GRID1: variants seen among roughly 807,000 people sequenced by gnomAD.
GRID1 encodes the protein glutamate ionotropic receptor delta type subunit 1.
GRID1 carries 28 observed loss-of-function variants against 98.0 expected under a neutral mutation model. That is an observed-to-expected ratio of 0.29 (90% CI 0.21 to 0.39). The LOEUF (loss-of-function observed/expected upper bound fraction) is 0.39, where lower values mean the gene tolerates loss of function less well. GRID1 is among the 10% of genes least tolerant of loss of function. The probability of loss-of-function intolerance (pLI) is 1.00; values close to 1 mark genes in which losing one functional copy is unlikely to be tolerated. For missense variants in GRID1, 1,111 were observed against 1,340.5 expected (o/e 0.83, Z 2.67); for synonymous variants, 553 against 538.5 (o/e 1.03, Z -0.37).
chr10:85,822,786 C>A (rs996292608), intron 8 of GRID1, among the ~76,000 whole-genome samples: 5 of 152,132 alleles, frequency 3.3e-5, no homozygotes, highest in African/African-American at 9.7e-5. Context: ...TTGGAAACAA[C>A]CCAAATGTCC....
chr10:86,085,042 G>A (rs773017776), intron 4 of GRID1, among the ~76,000 whole-genome samples: 3 of 152,168 alleles, frequency 2.0e-5, no homozygotes, highest in Non-Finnish European at 2.9e-5. Flanking sequence ...TTACCAATAC[G>A]CATGCAATGT....
chr10:85,956,067 T>A (rs1205269071), intron 4 of GRID1, among the ~76,000 whole-genome samples: 1 of 152,364 alleles, frequency 6.6e-6, no homozygotes, highest in South Asian at 2.1e-4. Flanking sequence ...ATGTGGTTAC[T>A]CAGGGCATGC....
chr10:85,624,763 A>C (rs1170022028), intron 13 of GRID1, among the ~76,000 whole-genome samples: 1 of 152,204 alleles, frequency 6.6e-6, no homozygotes, highest in African/African-American at 2.4e-5. Flanking sequence ...AATACAGAAC[A>C]CAAATGTTTA....
intron 4 of GRID1, among the ~76,000 whole-genome samples, chr10:86,005,446 G>C (rs945397749): frequency 6.6e-6 from 1 of 152,190 alleles, no homozygotes. Flanking sequence ...TTGTTGGAGA[G>C]ACTACTGGTT....
At chr10:86,278,530 C>G (rs577713331) in intron 2 of GRID1, among the ~76,000 whole-genome samples, 1 of 152,118 alleles carries the variant, frequency 6.6e-6, no homozygotes, top group South Asian at 2.1e-4. Context: ...TAATAAACCT[C>G]TAGCCACACT....
chr10:85,693,707 A>G lies in GRID1; in HGVS notation c.1997+29296T>C, dbSNP rs191970526. On this transcript the variant is annotated intron_variant, in intron 12 of 15. Coordinates refer to ENST00000327946, the MANE Select transcript of GRID1 (RefSeq NM_017551.3). Reference sequence around the variant, plus strand: ...GGAAAGGGGACACTTTTCAATAAATAGTGTGGGGAAAATTGGATTGCCATA... The same window carrying G: ...GGAAAGGGGACACTTTTCAATAAATGGTGTGGGGAAAATTGGATTGCCATA... Among the ~76,000 whole-genome samples, 601 of 152,288 alleles carry G rather than the reference A, an allele frequency of 3.9e-3. 1 individual carries two copies. Among genetic ancestry groups the G allele is most frequent in the Non-Finnish European group, 7.1e-3 (483 of 68,012 alleles).
intron 8 of GRID1, among the ~76,000 whole-genome samples, chr10:85,845,730 C>G (rs1272320388): frequency 1.3e-5 from 2 of 152,074 alleles, no homozygotes; most frequent in Non-Finnish European, 2.9e-5. Flanking sequence ...GCAGTCGTCC[C>G]CTGATTTGTT....
chr10:85,841,887 T>G (rs7097758), intron 8 of GRID1, among the ~76,000 whole-genome samples: 1 of 152,056 alleles, frequency 6.6e-6, no homozygotes, highest in East Asian at 1.9e-4. Flanking sequence ...GGGGTGTAAA[T>G]TAGTTCAACC....
intron 1 of GRID1, 138 bp from the exon 2 acceptor site, chr10:86,364,234 G>A (rs1848644552): frequency 1.5e-6 from 1 of 673,958 alleles, no homozygotes; most frequent in Non-Finnish European, 2.6e-6. Flanking sequence ...GCTTGGCGGG[G>A]TAGATTAAGG....
At chr10:85,919,696 C>T (rs1253131633) in intron 4 of GRID1, among the ~76,000 whole-genome samples, 1 of 152,238 alleles carries the variant, frequency 6.6e-6, no homozygotes, top group Non-Finnish European at 1.5e-5. Flanking sequence ...TCCTCCCTTT[C>T]GTCTGCAGAG....
chr10:85,915,824 T>C (rs925442786), intron 5 of GRID1, among the ~76,000 whole-genome samples: 11 of 152,268 alleles, frequency 7.2e-5, no homozygotes, highest in African/African-American at 2.6e-4. Flanking sequence ...CTTCCTCTCC[T>C]ACTCATTCCT....
chr10:86,337,017 G>A lies in GRID1; in HGVS notation c.235+26924C>T, dbSNP rs1438858025. On this transcript the variant is annotated intron_variant, in intron 2 of 15. Coordinates refer to ENST00000327946, the MANE Select transcript of GRID1 (RefSeq NM_017551.3). Reference sequence around the variant, plus strand: ...CCGCCACCAGGATGGCTAGTTTTTTGCAGTTTTTTTTTTTTAGTAGAGGCG... The same window carrying A: ...CCGCCACCAGGATGGCTAGTTTTTTACAGTTTTTTTTTTTTAGTAGAGGCG... 3.7e-5 allele frequency among the ~76,000 whole-genome samples: 5 copies of A among 134,916 alleles called. No individual in the cohort carries two copies. In the East Asian group the frequency reaches 1.3e-3, roughly 35 times the overall value. 88.5% of individuals were successfully genotyped at this position (134,916 alleles called of 152,430 possible).
chr10:86,122,808 G>A (rs1473992916), intron 4 of GRID1, among the ~76,000 whole-genome samples: 2 of 152,204 alleles, frequency 1.3e-5, no homozygotes, highest in Non-Finnish European at 2.9e-5. Context: ...TGATGGGACT[G>A]ACCCTGAGGG....
rs915830857 is a variant in GRID1, at chr10:86,321,255, A to T, written c.235+42686T>A. 7.2e-5 allele frequency among the ~76,000 whole-genome samples: 11 copies of T among 152,160 alleles called. No homozygotes were observed. The East Asian group carries it at 1.9e-3, about 27-fold the overall frequency. On this transcript the variant is annotated intron_variant, in intron 2 of 15. Coordinates refer to ENST00000327946, the MANE Select transcript of GRID1 (RefSeq NM_017551.3). ...TGACCCAGGAAATAATTACCATGGCATGGTAATTATATGAAATGATGTGCC... is the reference window on the plus strand; with the variant it reads ...TGACCCAGGAAATAATTACCATGGCTTGGTAATTATATGAAATGATGTGCC...
At chr10:86,083,854 G>A (rs1844012196) in intron 4 of GRID1, among the ~76,000 whole-genome samples, 1 of 152,224 alleles carries the variant, frequency 6.6e-6, no homozygotes, top group African/African-American at 2.4e-5. Flanking sequence ...CAGCTCGTAA[G>A]TTGTACTTGC....
Position 85,724,963 on chromosome 10 carries a change from T to C in GRID1, c.1534-287A>G, listed in dbSNP as rs116968271. Reference sequence around the variant, plus strand: ...ATTTCTCTACGAATTATAGTTTATCTTCACTTTGTTGTTTTCCTACCAAAC... The same window carrying C: ...ATTTCTCTACGAATTATAGTTTATCCTCACTTTGTTGTTTTCCTACCAAAC... On this transcript the variant is annotated intron_variant, in intron 10 of 15. Coordinates refer to ENST00000327946, the MANE Select transcript of GRID1 (RefSeq NM_017551.3). Among the ~76,000 whole-genome samples, 20 of 152,366 alleles carry C rather than the reference T, an allele frequency of 1.3e-4. No individual in the cohort carries two copies. In the East Asian group the frequency reaches 3.7e-3, roughly 28 times the overall value.
intron 12 of GRID1, among the ~76,000 whole-genome samples, chr10:85,695,039 A>C (rs765163402): frequency 2.0e-5 from 3 of 152,138 alleles, no homozygotes; most frequent in Admixed American, 6.5e-5. Context: ...TTTCCAGTCA[A>C]TTTTTCTGTA....
intron 8 of GRID1, among the ~76,000 whole-genome samples, chr10:85,736,315 G>C (rs1347151809): frequency 6.6e-6 from 1 of 150,806 alleles, no homozygotes; most frequent in Non-Finnish European, 1.5e-5. Flanking sequence ...AGAGAAGGAA[G>C]AAAGAGGAAG....
chr10:85,805,635 G>A (rs1286385154), intron 8 of GRID1, among the ~76,000 whole-genome samples: 1 of 151,858 alleles, frequency 6.6e-6, no homozygotes, highest in Non-Finnish European at 1.5e-5. Context: ...AAAGATAAGT[G>A]TATTTTAAAA....
Sources: allele counts gnomAD v4.1 joint callset (sites outside exome capture counted in the v4.1 genomes callset), GRCh38; gene constraint gnomAD v4.1.1; transcripts MANE v1.5; gene names NCBI Gene and HGNC (gene_info 2026-07-23, HGNC 2026-07-21).